PRORP: variants seen among roughly 807,000 people sequenced by gnomAD.
PRORP encodes the protein mitochondrial ribonuclease P catalytic subunit.
A neutral mutation model predicts 59.4 loss-of-function variants in PRORP; 51 were observed. The observed-to-expected ratio is 0.86, with a 90% CI of 0.69 to 1.08. The LOEUF (loss-of-function observed/expected upper bound fraction) is 1.08, where lower values mean the gene tolerates loss of function less well. Among genes scored for constraint, PRORP ranks in the 50% least tolerant of loss-of-function variants. PRORP has a pLI of 0.00. For missense variants in PRORP, 646 were observed against 690.3 expected, an observed-to-expected ratio of 0.94 and a Z score of 0.72; for synonymous variants, 231 against 245.6, an observed-to-expected ratio of 0.94 and a Z score of 0.55.
intron 4 of PRORP, among the ~76,000 whole-genome samples, chr14:35,174,312 T>A (rs1429878842): frequency 6.6e-6 from 1 of 152,146 alleles, no homozygotes; most frequent in Non-Finnish European, 1.5e-5. Flanking sequence ...ATTTATATTA[T>A]TATCTAGTAG....
At chr14:35,225,165 T>C (rs2049902198) in intron 5 of PRORP, among the ~76,000 whole-genome samples, 1 of 152,184 alleles carries the variant, frequency 6.6e-6, no homozygotes, top group Non-Finnish European at 1.5e-5. Context: ...ATAGTTAATA[T>C]AGTATGACTT....
intron 6 of PRORP, among the ~76,000 whole-genome samples, chr14:35,268,909 A>G (rs2051116211): frequency 6.6e-6 from 1 of 152,188 alleles, no homozygotes; most frequent in Non-Finnish European, 1.5e-5. Flanking sequence ...ATCATTTATT[A>G]TTTAAAAAGT....
rs1372111827 is a variant in PRORP, at chr14:35,275,372, C to T, written c.*1806C>T. ...AAAATCCAAGGAGGGGACGTTTTAT[C>T]TTCTTACCTATTTACTGAATGCAAC... On this transcript the variant is annotated 3_prime_UTR_variant, in exon 8 of 8. Transcript: ENST00000534898. 6.6e-6 allele frequency: 1 copy of T among 152,056 alleles called. No individual in the cohort carries two copies. Among genetic ancestry groups the T allele is most frequent in the Non-Finnish European group, 1.5e-5 (1 of 68,012 alleles). 9.4% of individuals were successfully genotyped at this position (152,056 alleles called of 1,614,324 possible). A position where few individuals can be genotyped will look rare whatever the true frequency, so the allele number is the denominator to read the frequency against.
intron 5 of PRORP, among the ~76,000 whole-genome samples, chr14:35,224,595 C>T (rs1169241846): frequency 1.3e-5 from 2 of 152,126 alleles, no homozygotes; most frequent in Non-Finnish European, 2.9e-5. Flanking sequence ...AATTATGCAG[C>T]CTCTCCAATA....
At position 35,275,431 on chromosome 14, in the gene PRORP, G is replaced by A. The variant is rs985307704; in HGVS notation, c.*1865G>A. On this transcript the variant is annotated 3_prime_UTR_variant, in exon 8 of 8. Transcript: ENST00000534898. The stretch of plus-strand genomic sequence containing the variant: ...ACACCAAGACAAAAGAGCTCTCCAG[G>A]AAAACATTGGATATATTGAGAGCAT... 7 of 152,016 alleles carry A rather than the reference G, an allele frequency of 4.6e-5. No homozygotes were observed. Among genetic ancestry groups the A allele is most frequent in the Non-Finnish European group, 8.8e-5 (6 of 68,006 alleles). 9.4% of individuals were successfully genotyped at this position (152,016 alleles called of 1,614,324 possible).
upstream of PRORP, chr14:35,121,873 C>T: frequency 6.2e-7 from 1 of 1,613,724 alleles, no homozygotes; most frequent in Non-Finnish European, 8.5e-7. Flanking sequence ...GCCGGGCCAT[C>T]CCAACGGGCT....
intron 5 of PRORP, among the ~76,000 whole-genome samples, chr14:35,187,293 A>G (rs373982971): frequency 5.9e-5 from 9 of 152,152 alleles, no homozygotes; most frequent in Non-Finnish European, 1.0e-4. Flanking sequence ...AAAGGTTCCA[A>G]TGTCTCCACA....
At chr14:35,125,651 T>G (rs1376331395) in intron 2 of PRORP, among the ~76,000 whole-genome samples, 2 of 152,222 alleles carry the variant, frequency 1.3e-5, no homozygotes, top group Non-Finnish European at 2.9e-5. Flanking sequence ...TTAAACTTAC[T>G]GAAGATCAAG....
chr14:35,254,388 T>C (rs2050694182), intron 5 of PRORP, among the ~76,000 whole-genome samples: 1 of 151,990 alleles, frequency 6.6e-6, no homozygotes, highest in South Asian at 2.1e-4. Context: ...TTTGCTTGTT[T>C]GTTTGTTTGT....
chr14:35,166,913 A>G (rs1287605129), intron 4 of PRORP, among the ~76,000 whole-genome samples: 1 of 152,154 alleles, frequency 6.6e-6, no homozygotes, highest in East Asian at 1.9e-4. Context: ...GTCCCTTCGG[A>G]TGCTGGCAGT....
intron 4 of PRORP, among the ~76,000 whole-genome samples, chr14:35,132,551 G>A (rs1174075588): frequency 6.6e-6 from 1 of 152,094 alleles, no homozygotes; most frequent in African/African-American, 2.4e-5. Flanking sequence ...GGGAGGCCGA[G>A]GTGGGTGTGA....
chr14:35,136,548 A>C (rs1247637207), intron 4 of PRORP, among the ~76,000 whole-genome samples: 2 of 144,504 alleles, frequency 1.4e-5, no homozygotes, highest in Non-Finnish European at 3.1e-5. Flanking sequence ...CTAATTTTGT[A>C]TTTTTAGTAG....
intron 5 of PRORP, among the ~76,000 whole-genome samples, chr14:35,210,627 A>G (rs753642259): frequency 1.3e-4 from 20 of 151,378 alleles, no homozygotes; most frequent in Non-Finnish European, 2.6e-4. Flanking sequence ...ACATGCAACT[A>G]GCTAGAAATA....
At chr14:35,270,031 A>G (rs1200877436) in intron 6 of PRORP, among the ~76,000 whole-genome samples, 1 of 152,086 alleles carries the variant, frequency 6.6e-6, no homozygotes, top group Non-Finnish European at 1.5e-5. Context: ...GTGTTTCTTG[A>G]ATTTGGGTGA....
chr14:35,180,419 A>C (rs1247158310), intron 4 of PRORP, among the ~76,000 whole-genome samples: 1 of 152,116 alleles, frequency 6.6e-6, no homozygotes, highest in Non-Finnish European at 1.5e-5. Flanking sequence ...TTACATATGA[A>C]AGTGCTTTGT....
In PRORP at chr14:35,139,703, C is replaced by A. The variant is rs974305353; in HGVS notation, c.1167+12092C>A. Among the ~76,000 whole-genome samples the A allele has an allele frequency of 2.4e-4, 35 of 145,964 alleles. 2 individuals carry two copies. The highest frequency in any genetic ancestry group is 8.5e-4 in the African/African-American group (35 of 41,058). On this transcript the variant is annotated intron_variant, in intron 4 of 7. Transcript: ENST00000534898. ...CTGATTAGAACAGTCTTGAACAAGT[C>A]TTTGTGCTTTTGTTATTGTTTCCTA...
At chr14:35,202,563 T>C (rs372380365) in intron 5 of PRORP, among the ~76,000 whole-genome samples, 7 of 152,190 alleles carry the variant, frequency 4.6e-5, no homozygotes, top group Admixed American at 3.9e-4. Flanking sequence ...TATAAACTTA[T>C]TTAGAGCAGC....
intron 5 of PRORP, among the ~76,000 whole-genome samples, chr14:35,239,366 AC>A (rs1342269604): frequency 6.6e-6 from 1 of 151,694 alleles, no homozygotes; most frequent in African/African-American, 2.4e-5. Context: ...AAAAAAAAAA[AC>A]AAACTACACT....
intron 5 of PRORP, among the ~76,000 whole-genome samples, chr14:35,225,563 T>G (rs1299264636): frequency 6.6e-6 from 1 of 151,956 alleles, no homozygotes; most frequent in Non-Finnish European, 1.5e-5. Context: ...ACCAGGCTGG[T>G]CTCGAACTCC....
Sources: allele counts gnomAD v4.1 joint callset (sites outside exome capture counted in the v4.1 genomes callset), GRCh38; gene constraint gnomAD v4.1.1; transcripts MANE v1.5; gene names NCBI Gene and HGNC (gene_info 2026-07-23, HGNC 2026-07-21).